PCDH15: variants seen among roughly 807,000 people sequenced by gnomAD.
PCDH15 encodes the protein protocadherin related 15.
A neutral mutation model predicts 178.5 loss-of-function variants in PCDH15; 129 were observed. That is an observed-to-expected ratio of 0.72 (90% CI 0.63 to 0.84). The LOEUF (loss-of-function observed/expected upper bound fraction) is 0.84. Ranked by LOEUF, PCDH15 falls within the 40% of genes least tolerant of loss-of-function variation. PCDH15 has a pLI of 0.00. For synonymous variants in PCDH15, 800 were observed against 732.0 expected, an observed-to-expected ratio of 1.09 and a Z score of -1.50; for missense variants, 2,230 against 2,099.9, an observed-to-expected ratio of 1.06 and a Z score of -1.21.
intron 2 of PCDH15, among the ~76,000 whole-genome samples, chr10:55,081,381 G>A (rs1185599533): frequency 6.6e-6 from 1 of 152,004 alleles, no homozygotes; most frequent in African/African-American, 2.4e-5. Flanking sequence ...ATTTATGAAG[G>A]CTCCACTCTC....
chr10:54,930,468 C>T (rs979407422), intron 2 of PCDH15, among the ~76,000 whole-genome samples: 1 of 152,108 alleles, frequency 6.6e-6, no homozygotes, highest in Non-Finnish European at 1.5e-5. Context: ...TCCTTGACTT[C>T]CTTGGGGCAA....
At chr10:54,080,268 T>C (rs981350620) in intron 16 of PCDH15, among the ~76,000 whole-genome samples, 1 of 152,124 alleles carries the variant, frequency 6.6e-6, no homozygotes, top group Non-Finnish European at 1.5e-5. Flanking sequence ...ACAATATTTT[T>C]AATACCTACT....
intron 2 of PCDH15, among the ~76,000 whole-genome samples, chr10:54,587,309 G>C (rs1014686657): frequency 5.9e-5 from 9 of 151,938 alleles, no homozygotes; most frequent in Non-Finnish European, 1.3e-4. Context: ...GGCCAGAAAA[G>C]ATAAAAGTAC....
At chr10:53,987,972 C>T (rs949448025) in intron 21 of PCDH15, among the ~76,000 whole-genome samples, 1 of 152,106 alleles carries the variant, frequency 6.6e-6, no homozygotes, top group African/African-American at 2.4e-5. Context: ...TGTTTTCATT[C>T]TTAGAGAATG....
intron 2 of PCDH15, among the ~76,000 whole-genome samples, chr10:55,071,674 A>T (rs998499262): frequency 5.3e-5 from 8 of 152,174 alleles, no homozygotes; most frequent in Non-Finnish European, 1.2e-4. Context: ...CACTGTCAAC[A>T]TTAGACAGAT....
intron 8 of PCDH15, among the ~76,000 whole-genome samples, chr10:54,254,374 C>G (rs759293357): frequency 5.9e-5 from 9 of 151,892 alleles, no homozygotes; most frequent in Non-Finnish European, 7.4e-5. Flanking sequence ...GCTCATATAA[C>G]CTGAATTTTC....
At chr10:54,778,150 A>G (rs1370959746) in intron 1 of PCDH15, among the ~76,000 whole-genome samples, 4 of 152,192 alleles carry the variant, frequency 2.6e-5, no homozygotes, top group Non-Finnish European at 4.4e-5. Context: ...ATGCTAGAAA[A>G]GCAAATGAGA....
intron 5 of PCDH15, among the ~76,000 whole-genome samples, chr10:54,356,991 G>C (rs1197731577): frequency 6.6e-6 from 1 of 151,988 alleles, no homozygotes; most frequent in South Asian, 2.1e-4. Flanking sequence ...CAATAAATTA[G>C]GTATTGATGG....
chr10:54,617,341 G>GT (rs1752268360), intron 2 of PCDH15, among the ~76,000 whole-genome samples: 1 of 151,994 alleles, frequency 6.6e-6, no homozygotes, highest in African/African-American at 2.4e-5. Flanking sequence ...TAGCACTTTC[G>GT]TAATTACCTA....
intron 3 of PCDH15, among the ~76,000 whole-genome samples, chr10:54,434,107 A>AAC (rs2075215751): frequency 6.6e-6 from 1 of 152,234 alleles, no homozygotes; most frequent in Admixed American, 6.5e-5. Context: ...AAACTTATAG[A>AAC]ACAAGGATAT....
At chr10:54,908,486 C>T (rs1460058215) in intron 2 of PCDH15, among the ~76,000 whole-genome samples, 1 of 152,262 alleles carries the variant, frequency 6.6e-6, no homozygotes, top group Non-Finnish European at 1.5e-5. Flanking sequence ...CCCACAAGGC[C>T]ACAGCTCTTA....
chr10:54,743,776 A>G (rs1209787515), intron 1 of PCDH15, among the ~76,000 whole-genome samples: 2 of 151,920 alleles, frequency 1.3e-5, no homozygotes, highest in African/African-American at 2.4e-5. Flanking sequence ...ATTTGTCTTT[A>G]TCCCCATGTT....
intron 15 of PCDH15, among the ~76,000 whole-genome samples, chr10:54,121,206 CAAT>C (rs1017573137): frequency 2.9e-5 from 4 of 135,664 alleles, no homozygotes; most frequent in African/African-American, 1.2e-4. Context: ...AAGTAAACAA[CAAT>C]ATCAAGCCAG....
chr10:54,330,262 A>T (rs1172253085), intron 6 of PCDH15, among the ~76,000 whole-genome samples: 1 of 151,824 alleles, frequency 6.6e-6, no homozygotes, highest in Non-Finnish European at 1.5e-5. Flanking sequence ...TGACTATTAT[A>T]GAGTGTAGAT....
intron 8 of PCDH15, among the ~76,000 whole-genome samples, chr10:54,256,640 A>G (rs1042564241): frequency 1.3e-5 from 2 of 152,072 alleles, no homozygotes; most frequent in African/African-American, 4.8e-5. Flanking sequence ...CACATTACCT[A>G]CCTGTCCTGG....
intron 2 of PCDH15, among the ~76,000 whole-genome samples, chr10:55,548,209 T>TGCGC (rs200277416): frequency 8.7e-4 from 101 of 116,090 alleles, no homozygotes; most frequent in African/African-American, 3.6e-3. Flanking sequence ...AAATGCCTAA[T>TGCGC]GCACACACAC....
chr10:54,081,859 A>G (rs972470027), intron 16 of PCDH15, among the ~76,000 whole-genome samples: 1 of 152,186 alleles, frequency 6.6e-6, no homozygotes, highest in Admixed American at 6.5e-5. Context: ...CAGCCCCAAG[A>G]GATGGTCTCG....
chr10:55,104,170 C>G (rs1591906070), intron 2 of PCDH15, among the ~76,000 whole-genome samples: 2 of 151,584 alleles, frequency 1.3e-5, no homozygotes, highest in East Asian at 3.9e-4. Context: ...CACTTTTCTT[C>G]TCTAGTAATA....
At chr10:53,926,359 A>G (rs2084552287) in intron 25 of PCDH15, among the ~76,000 whole-genome samples, 1 of 152,234 alleles carries the variant, frequency 6.6e-6, no homozygotes, top group African/African-American at 2.4e-5. Flanking sequence ...CAACAATAAA[A>G]ACAGTAAATA....
Sources: allele counts gnomAD v4.1 joint callset (sites outside exome capture counted in the v4.1 genomes callset), GRCh38; gene constraint gnomAD v4.1.1; transcripts MANE v1.5; gene names NCBI Gene and HGNC (gene_info 2026-07-23, HGNC 2026-07-21).